The following ADAMTSL3 variants were observed in gnomAD, a reference collection of about 807,000 sequenced individuals.
The protein encoded by ADAMTSL3 is ADAMTS like 3.
ADAMTSL3 carries 128 observed loss-of-function variants against 201.7 expected under a neutral mutation model. The observed-to-expected ratio is 0.63, with a 90% CI of 0.55 to 0.73. The LOEUF (loss-of-function observed/expected upper bound fraction) is 0.73. ADAMTSL3 is among the 30% of genes least tolerant of loss of function. The pLI, the probability that ADAMTSL3 is intolerant of heterozygous loss-of-function variation, is 0.00. For missense variants in ADAMTSL3, 1,990 were observed against 2,119.6 expected, an observed-to-expected ratio of 0.94 and a Z score of 1.20; for synonymous variants, 738 against 748.4, an observed-to-expected ratio of 0.99 and a Z score of 0.23.
chr15:83,698,593 C>T (rs1019054844), intron 2 of ADAMTSL3, among the ~76,000 whole-genome samples: 1 of 150,884 alleles, frequency 6.6e-6, no homozygotes, highest in African/African-American at 2.4e-5. Flanking sequence ...GGGCCCTGAC[C>T]CCTTTGGTCA....
At chr15:83,871,727 A>G (rs2065084362) in intron 9 of ADAMTSL3, among the ~76,000 whole-genome samples, 1 of 152,204 alleles carries the variant, frequency 6.6e-6, no homozygotes, top group African/African-American at 2.4e-5. Flanking sequence ...TATAGTGGCC[A>G]ATATATTTCC....
intron 4 of ADAMTSL3, among the ~76,000 whole-genome samples, chr15:83,791,117 C>T (rs756625536): frequency 6.6e-6 from 1 of 152,122 alleles, no homozygotes; most frequent in East Asian, 1.9e-4. Context: ...CAATATTCCA[C>T]ATTCATAGAT....
chr15:83,712,796 C>G (rs1238593020), intron 3 of ADAMTSL3, among the ~76,000 whole-genome samples: 1 of 152,218 alleles, frequency 6.6e-6, no homozygotes, highest in Non-Finnish European at 1.5e-5. Context: ...TTCTGCATCT[C>G]TCTGGCTCCA....
intron 2 of ADAMTSL3, among the ~76,000 whole-genome samples, chr15:83,691,943 A>G (rs1352727864): frequency 6.6e-6 from 1 of 152,218 alleles, no homozygotes; most frequent in Non-Finnish European, 1.5e-5. Context: ...TCAAATAAAT[A>G]TAGAATGGTA....
chr15:83,773,439 G>T (rs2063018592), intron 3 of ADAMTSL3, 84 bp from the exon 4 acceptor site: 70 of 1,459,022 alleles, frequency 4.8e-5, no homozygotes, highest in Non-Finnish European at 6.4e-5. Flanking sequence ...GGAATAACTG[G>T]GGAAGATTTG....
At chr15:83,945,777 T>A (rs527241863) in intron 19 of ADAMTSL3, 4 of 152,330 alleles carry the variant, frequency 2.6e-5, no homozygotes, top group African/African-American at 9.6e-5. Flanking sequence ...AGCAGGGAAC[T>A]TATAAGAAAT....
At chr15:83,964,393 A>G (rs1348708652) in intron 19 of ADAMTSL3, among the ~76,000 whole-genome samples, 2 of 152,142 alleles carry the variant, frequency 1.3e-5, no homozygotes, top group Non-Finnish European at 2.9e-5. Context: ...AAGTATCAAT[A>G]GCCAAATTGC....
intron 6 of ADAMTSL3, among the ~76,000 whole-genome samples, chr15:83,824,642 T>C (rs1028394392): frequency 6.6e-6 from 1 of 152,150 alleles, no homozygotes; most frequent in African/African-American, 2.4e-5. Context: ...CTTTCATCCC[T>C]CTCTCCTCGC....
intron 4 of ADAMTSL3, among the ~76,000 whole-genome samples, chr15:83,801,901 A>G (rs964227360): frequency 6.6e-6 from 1 of 151,400 alleles, no homozygotes. Flanking sequence ...GATGAAACAC[A>G]CGACTGGATA....
Position 83,870,789 on chromosome 15 carries a change from A to G in ADAMTSL3, c.803-13A>G. 1 of 1,554,792 alleles carries G rather than the reference A, an allele frequency of 6.4e-7. No individual in the cohort carries two copies. Among genetic ancestry groups the G allele is most frequent in the Non-Finnish European group, 8.7e-7 (1 of 1,151,468 alleles). On this transcript the variant is annotated splice_polypyrimidine_tract_variant and intron_variant, in intron 8 of 29. Coordinates refer to ENST00000286744, the MANE Select transcript of ADAMTSL3 (RefSeq NM_207517.3). ...AGATTGTTTCTTATTTGAATCATAT[A>G]TTTTAATTTTAGTTATTGAATCAAA...
At chr15:83,838,784 A>G (rs1281901029) in intron 7 of ADAMTSL3, among the ~76,000 whole-genome samples, 1 of 152,176 alleles carries the variant, frequency 6.6e-6, no homozygotes, top group African/African-American at 2.4e-5. Context: ...GGAAATTTCC[A>G]TCTTTTCATT....
chr15:83,935,678 A>T (rs2066448525), intron 17 of ADAMTSL3, among the ~76,000 whole-genome samples: 1 of 152,140 alleles, frequency 6.6e-6, no homozygotes, highest in Non-Finnish European at 1.5e-5. Flanking sequence ...ATTTTTCCTC[A>T]TGAGAAATAA....
intron 3 of ADAMTSL3, chr15:83,739,836 A>G (rs979609496): frequency 1.1e-4 from 65 of 601,550 alleles, no homozygotes; most frequent in African/African-American, 3.2e-4. Flanking sequence ...CAGATTGGCA[A>G]TGCCTGCTGG....
chr15:83,696,521 T>C (rs1186143142), intron 2 of ADAMTSL3, among the ~76,000 whole-genome samples: 2 of 152,254 alleles, frequency 1.3e-5, no homozygotes, highest in Admixed American at 6.5e-5. Context: ...GCATTTAGCC[T>C]TTGCCCAACC....
intron 3 of ADAMTSL3, among the ~76,000 whole-genome samples, chr15:83,706,921 G>A (rs769791870): frequency 6.6e-6 from 1 of 152,028 alleles, no homozygotes; most frequent in African/African-American, 2.4e-5. Context: ...TGCTCTCCTC[G>A]GCCTCCCAAA....
At chr15:83,700,081 C>T (rs1045835081) in intron 2 of ADAMTSL3, among the ~76,000 whole-genome samples, 1 of 152,206 alleles carries the variant, frequency 6.6e-6, no homozygotes, top group African/African-American at 2.4e-5. Flanking sequence ...AGAACTGTGC[C>T]AGGCATATAT....
chr15:83,792,981 A>T (rs992939423), intron 4 of ADAMTSL3, among the ~76,000 whole-genome samples: 9 of 152,230 alleles, frequency 5.9e-5, no homozygotes, highest in Non-Finnish European at 1.3e-4. Flanking sequence ...GTATATATAC[A>T]CAATATAATA....
intron 14 of ADAMTSL3, among the ~76,000 whole-genome samples, chr15:83,899,123 A>T (rs1767474763): frequency 6.6e-6 from 1 of 152,214 alleles, no homozygotes; most frequent in African/African-American, 2.4e-5. Context: ...GGGGGGCAAC[A>T]GTTTGTTCCT....
At chr15:83,938,040 A>G (rs747000719) in intron 17 of ADAMTSL3, among the ~76,000 whole-genome samples, 1 of 147,142 alleles carries the variant, frequency 6.8e-6, no homozygotes, top group Non-Finnish European at 1.5e-5. Flanking sequence ...TTACTGTCAC[A>G]TTGTAAAGAT....
Sources: allele counts gnomAD v4.1 joint callset (sites outside exome capture counted in the v4.1 genomes callset), GRCh38; gene constraint gnomAD v4.1.1; transcripts MANE v1.5; gene names NCBI Gene and HGNC (gene_info 2026-07-23, HGNC 2026-07-21).